INSC: variants seen among roughly 807,000 people sequenced by gnomAD.
INSC encodes the protein protein inscuteable homolog.
In INSC, 67 loss-of-function variants were observed where a neutral mutation model predicts 58.6. The ratio of observed to expected loss-of-function variants is 1.14; its 90% CI spans 0.94 to 1.40. The LOEUF (loss-of-function observed/expected upper bound fraction) is 1.40. Among genes scored for constraint, INSC ranks in the 40% most tolerant of loss-of-function variants. The probability of loss-of-function intolerance (pLI) is 0.00; values close to 1 mark genes in which losing one functional copy is unlikely to be tolerated. For synonymous variants in INSC, 262 were observed against 276.1 expected, an observed-to-expected ratio of 0.95 and a Z score of 0.51; for missense variants, 714 against 692.0, an observed-to-expected ratio of 1.03 and a Z score of -0.36.
At chr11:15,230,869 A>T (rs1851899709) in intron 9 of INSC, among the ~76,000 whole-genome samples, 3 of 152,190 alleles carry the variant, frequency 2.0e-5, no homozygotes. Context: ...TGGTCTCCTA[A>T]GCCTAAATCT....
At chr11:15,120,429 C>A (rs1002984657) in intron 1 of INSC, among the ~76,000 whole-genome samples, 1 of 152,202 alleles carries the variant, frequency 6.6e-6, no homozygotes, top group Non-Finnish European at 1.5e-5. Context: ...TTGTCTCCAA[C>A]TGGGGCAGTC....
At chr11:15,132,062 A>C (rs1426369194) in intron 1 of INSC, among the ~76,000 whole-genome samples, 1 of 151,982 alleles carries the variant, frequency 6.6e-6, no homozygotes, top group Non-Finnish European at 1.5e-5. Flanking sequence ...ACATAGTTGG[A>C]GGGAATTTTC....
At chr11:15,252,527 T>C in the INSC span, among the ~76,000 whole-genome samples, 1 of 152,200 alleles carries the variant, frequency 6.6e-6, no homozygotes, top group African/African-American at 2.4e-5. Flanking sequence ...TCAGTTCCTC[T>C]TCATTGGAGC....
At chr11:15,234,315 GAAGGA>G in intron 9 of INSC, among the ~76,000 whole-genome samples, 1 of 152,324 alleles carries the variant, frequency 6.6e-6, no homozygotes, top group East Asian at 1.9e-4. Context: ...TATGTGTTTA[GAAGGA>G]AAGGGGAGAG....
At chr11:15,194,638 T>TA (rs1335635851) in intron 6 of INSC, among the ~76,000 whole-genome samples, 1 of 152,230 alleles carries the variant, frequency 6.6e-6, no homozygotes, top group African/African-American at 2.4e-5. Context: ...TAATGCATTA[T>TA]ATAATTCCTT....
chr11:15,250,696 T>C (rs1389683062), downstream of INSC, among the ~76,000 whole-genome samples: 1 of 152,166 alleles, frequency 6.6e-6, no homozygotes, highest in Non-Finnish European at 1.5e-5. Flanking sequence ...AAGAAATTAC[T>C]CTCAAATTTA....
At chr11:15,259,636 C>T in the INSC span, among the ~76,000 whole-genome samples, 6 of 152,112 alleles carry the variant, frequency 3.9e-5, no homozygotes, top group African/African-American at 9.7e-5. Flanking sequence ...CATTTACTGA[C>T]GTGCGAGACA....
chr11:15,116,849 C>T (rs1479574056), intron 1 of INSC, among the ~76,000 whole-genome samples: 1 of 23,774 alleles, frequency 4.2e-5, no homozygotes, highest in Non-Finnish European at 7.4e-5. Context: ...TTCTTTCTTT[C>T]TCTCTCTCTC....
chr11:15,116,344 G>C (rs142244799), intron 1 of INSC, among the ~76,000 whole-genome samples: 7 of 152,326 alleles, frequency 4.6e-5, no homozygotes, highest in Admixed American at 2.6e-4. Flanking sequence ...ACAGTGAATT[G>C]AGCTGGGTTG....
At chr11:15,196,214 A>G (rs951247266) in intron 6 of INSC, among the ~76,000 whole-genome samples, 3 of 152,186 alleles carry the variant, frequency 2.0e-5, no homozygotes, top group African/African-American at 7.2e-5. Flanking sequence ...CAACAACGAT[A>G]ATAATTACTA....
intron 7 of INSC, among the ~76,000 whole-genome samples, chr11:15,201,570 C>G (rs1412392052): frequency 3.9e-5 from 6 of 152,188 alleles, no homozygotes; most frequent in Non-Finnish European, 7.3e-5. Context: ...TTCCCGCCAC[C>G]CTGACCCCTT....
At position 15,175,872 on chromosome 11, in the gene INSC, T is replaced by C; in HGVS notation, c.188T>C (p.Ile63Thr). 1 of 1,614,072 alleles carries C rather than the reference T, an allele frequency of 6.2e-7. No homozygotes were observed. The highest frequency in any genetic ancestry group is 8.5e-7 in the Non-Finnish European group (1 of 1,179,920). ...SLEEDAQGDLILAGGPGPGDP... is the reference protein window; with the variant it reads ...SLEEDAQGDLTLAGGPGPGDP... ...GAAGAGGATGCACAGGGTGACCTCATCCTGGCAGGTGGCCCTGGCCCTGGA... is the reference window on the plus strand; with the variant it reads ...GAAGAGGATGCACAGGGTGACCTCACCCTGGCAGGTGGCCCTGGCCCTGGA... The change falls in exon 3 of 13, where the codon ATC becomes ACC. Residue 63 changes from isoleucine to threonine, a missense_variant. By Grantham distance (89) the Ile-to-Thr change is moderately conservative. Transcript: ENST00000379556.
intron 12 of INSC, 126 bp downstream of exon 12, chr11:15,240,649 C>CTCTT (rs1852313897): frequency 1.4e-6 from 1 of 721,342 alleles, no homozygotes; most frequent in Non-Finnish European, 2.5e-6. Flanking sequence ...TTTAGCTTTT[C>CTCTT]TCTTTAGGAT....
chr11:15,177,011 A>G, intron 3 of INSC, 100 bp from the exon 4 acceptor site: 1 of 933,064 alleles, frequency 1.1e-6, no homozygotes, highest in Non-Finnish European at 1.8e-6. Flanking sequence ...AAGTCACATT[A>G]ATTGATTCTT....
chr11:15,259,656 C>A, the INSC span, among the ~76,000 whole-genome samples: 1 of 152,184 alleles, frequency 6.6e-6, no homozygotes, highest in Non-Finnish European at 1.5e-5. Flanking sequence ...AGTTTACATG[C>A]ATCTTTGAAT....
At chr11:15,173,693 A>G (rs1171442746) in intron 2 of INSC, among the ~76,000 whole-genome samples, 1 of 152,146 alleles carries the variant, frequency 6.6e-6, no homozygotes, top group Non-Finnish European at 1.5e-5. Context: ...AGCTATTTCC[A>G]TGAAGGGAGG....
intron 7 of INSC, among the ~76,000 whole-genome samples, chr11:15,216,305 G>A (rs1851216650): frequency 1.3e-5 from 2 of 152,160 alleles, no homozygotes; most frequent in African/African-American, 2.4e-5. Context: ...CTTACAGGGA[G>A]GCCAAGTGAG....
the INSC span, among the ~76,000 whole-genome samples, chr11:15,267,759 CTTA>C: frequency 6.6e-6 from 1 of 151,790 alleles, no homozygotes; most frequent in Non-Finnish European, 1.5e-5. Flanking sequence ...ATGGAGTTTT[CTTA>C]TTATGGGTTC....
At chr11:15,163,846 C>T (rs944682012) in intron 2 of INSC, among the ~76,000 whole-genome samples, 3 of 152,204 alleles carry the variant, frequency 2.0e-5, no homozygotes, top group Admixed American at 6.5e-5. Context: ...CCTCGGCCTC[C>T]CAGAGTGCTG....
Sources: allele counts gnomAD v4.1 joint callset (sites outside exome capture counted in the v4.1 genomes callset), GRCh38; gene constraint gnomAD v4.1.1; transcripts MANE v1.5; gene names NCBI Gene and HGNC (gene_info 2026-07-23, HGNC 2026-07-21).